KALRN: variants seen among roughly 807,000 people sequenced by gnomAD.
KALRN encodes the protein kalirin.
KALRN carries 70 observed loss-of-function variants against 353.7 expected under a neutral mutation model. The observed-to-expected ratio is 0.20, with a 90% CI of 0.16 to 0.24. The LOEUF is 0.24. Among genes scored for constraint, KALRN ranks in the 10% least tolerant of loss-of-function variants. The pLI is 1.00. For synonymous variants in KALRN, 1,391 were observed against 1,434.8 expected (o/e 0.97, Z 0.69); for missense variants, 2,791 against 3,756.7 (o/e 0.74, Z 6.72).
At chr3:124,281,307 T>A (rs568775309) in intron 5 of KALRN, among the ~76,000 whole-genome samples, 2 of 152,328 alleles carry the variant, frequency 1.3e-5, no homozygotes, top group South Asian at 4.1e-4. Context: ...GGTGGAGAGA[T>A]AAAAGAGGGT....
chr3:124,637,393 C>T (rs1044969016), intron 37 of KALRN, 90 bp downstream of exon 37: 1 of 937,234 alleles, frequency 1.1e-6, no homozygotes, highest in African/African-American at 1.6e-5. Flanking sequence ...TCCTTTGCAC[C>T]TGTCCTCATT....
intron 1 of KALRN, among the ~76,000 whole-genome samples, chr3:124,048,460 C>T (rs1015045109): frequency 1.3e-5 from 2 of 151,068 alleles, no homozygotes; most frequent in Non-Finnish European, 2.9e-5. Flanking sequence ...GGACATTTTT[C>T]TATGTCAGTA....
At chr3:124,342,521 T>C (rs1263255589) in intron 9 of KALRN, among the ~76,000 whole-genome samples, 1 of 152,220 alleles carries the variant, frequency 6.6e-6, no homozygotes, top group East Asian at 1.9e-4. Context: ...TAGTATTCCA[T>C]TGTTGATATA....
intron 1 of KALRN, among the ~76,000 whole-genome samples, chr3:124,201,729 A>G (rs1350685394): frequency 6.6e-6 from 1 of 152,210 alleles, no homozygotes; most frequent in East Asian, 1.9e-4. Context: ...GAGGACACTG[A>G]GCATAAACAA....
intron 1 of KALRN, among the ~76,000 whole-genome samples, chr3:124,118,630 T>C (rs1282928556): frequency 6.6e-6 from 1 of 152,226 alleles, no homozygotes; most frequent in Non-Finnish European, 1.5e-5. Flanking sequence ...CATGTTCCCT[T>C]AGGCCACATG....
chr3:124,233,743 T>C (rs1423187294), intron 2 of KALRN, among the ~76,000 whole-genome samples: 2 of 152,202 alleles, frequency 1.3e-5, no homozygotes, highest in Admixed American at 1.3e-4. Context: ...TGTTTTCCAG[T>C]ATTGGTGAGG....
At chr3:124,119,251 AG>A (rs1422538509) in intron 1 of KALRN, among the ~76,000 whole-genome samples, 1 of 152,212 alleles carries the variant, frequency 6.6e-6, no homozygotes, top group East Asian at 1.9e-4. Flanking sequence ...CCTCATTAAG[AG>A]GGAGCTGGAA....
chr3:124,254,890 GGCT>G (rs1452746601), intron 3 of KALRN, among the ~76,000 whole-genome samples: 1 of 152,120 alleles, frequency 6.6e-6, no homozygotes, highest in Non-Finnish European at 1.5e-5. Flanking sequence ...CCAGCATCCA[GGCT>G]GTTTGACTCC....
At chr3:124,511,206 G>A (rs1292552333) in intron 33 of KALRN, among the ~76,000 whole-genome samples, 1 of 151,922 alleles carries the variant, frequency 6.6e-6, no homozygotes, top group Non-Finnish European at 1.5e-5. Context: ...TTGCCATGTT[G>A]CTTAGCATAA....
intron 1 of KALRN, among the ~76,000 whole-genome samples, chr3:124,043,075 G>A (rs1388390145): frequency 1.3e-5 from 2 of 152,132 alleles, no homozygotes; most frequent in Non-Finnish European, 2.9e-5. Flanking sequence ...AGGGTTTAAT[G>A]CTGCAGAGAA....
chr3:124,054,636 A>G (rs2041359881), intron 1 of KALRN, among the ~76,000 whole-genome samples: 1 of 152,162 alleles, frequency 6.6e-6, no homozygotes, highest in African/African-American at 2.4e-5. Flanking sequence ...CAGACACCAG[A>G]CCAGGGACCT....
chr3:124,301,667 G>A (rs2149236638), intron 6 of KALRN, among the ~76,000 whole-genome samples: 1 of 152,322 alleles, frequency 6.6e-6, no homozygotes, highest in East Asian at 1.9e-4. Context: ...GGGAATTACA[G>A]ATTCCTTTTC....
At position 124,694,424 on chromosome 3, in the gene KALRN, C is replaced by T. The variant is rs760158908; in HGVS notation, c.7498C>T (p.Pro2500Ser). ...LQCKVCGRPK[P>S]TITWKGPDQN... Reference sequence around the variant, plus strand: ...GTGCAAAGTCTGTGGGCGGCCAAAGCCCACCATCACTTGGAAGGGTCCAGA... The same window carrying T: ...GTGCAAAGTCTGTGGGCGGCCAAAGTCCACCATCACTTGGAAGGGTCCAGA... Residue 2500 changes from proline (P) to serine (S), a missense_variant, in exon 53 of 60, where the codon CCC becomes TCC. By Grantham distance (74) the Pro-to-Ser change is moderately conservative. This residue lies in a region of KALRN where 1,065 missense variants were observed against 1,156.4 expected (regional missense o/e 0.92). Transcript: ENST00000682506. The T allele has an allele frequency of 1.9e-6, 3 of 1,614,180 alleles. No homozygotes were observed. The South Asian group carries it at 3.3e-5, about 18-fold the overall frequency.
chr3:124,208,223 C>G (rs962163038), intron 1 of KALRN, among the ~76,000 whole-genome samples: 1 of 152,128 alleles, frequency 6.6e-6, no homozygotes, highest in African/African-American at 2.4e-5. Context: ...GCACAAAGGT[C>G]CCTAAAATGG....
chr3:124,138,740 T>A (rs1441265541), intron 1 of KALRN, among the ~76,000 whole-genome samples: 1 of 152,160 alleles, frequency 6.6e-6, no homozygotes, highest in African/African-American at 2.4e-5. Flanking sequence ...TGGCAGAGTA[T>A]TCCCCTGGAC....
intron 1 of KALRN, among the ~76,000 whole-genome samples, chr3:124,192,469 A>G (rs77859942): frequency 0.18 from 26,705 of 152,124 alleles, 2,790 homozygotes; most frequent in East Asian, 0.51. Flanking sequence ...TTGATAGTAC[A>G]ATGGGGTGAC....
Position 124,384,868 on chromosome 3 carries a change from G to T in KALRN, c.1794G>T (p.Lys598Asn). ...AGAATACGTACACCAATGCGGACAA[G>T]CTCCTAGAAGCAGCAGAGCAGTTGG... ...VAQNTYTNAD[K>N]LLEAAEQLAQ... Residue 598 changes from lysine (K) to asparagine (N), a missense_variant, in exon 11 of 60, where the codon AAG (lysine) becomes AAT (asparagine). By Grantham distance (94) the Lys-to-Asn change is moderately conservative. Coordinates refer to ENST00000682506, the MANE Select transcript of KALRN (RefSeq NM_001388419.1). The T allele has an allele frequency of 1.9e-6, 3 of 1,607,554 alleles. No individual in the cohort carries two copies. The highest frequency in any genetic ancestry group is 2.6e-6 in the Non-Finnish European group (3 of 1,176,086).
chr3:124,649,329 G>T (rs2083118162), intron 37 of KALRN, among the ~76,000 whole-genome samples: 1 of 152,184 alleles, frequency 6.6e-6, no homozygotes, highest in Non-Finnish European at 1.5e-5. Context: ...GCAGCTCACT[G>T]AAGGCCAAGC....
At chr3:124,225,389 G>T (rs2078362796) in intron 1 of KALRN, among the ~76,000 whole-genome samples, 2 of 152,194 alleles carry the variant, frequency 1.3e-5, no homozygotes, top group African/African-American at 4.8e-5. Flanking sequence ...GGAAATGATT[G>T]TCCCCTAGTT....
Sources: gnomAD v4.1 joint callset for allele counts (sites outside exome capture counted in the v4.1 genomes callset) on GRCh38, gnomAD v4.1.1 for gene constraint, gnomAD v4.1.1 regional missense constraint, MANE v1.5 for transcripts, NCBI Gene and HGNC (gene_info 2026-07-23, HGNC 2026-07-21) for gene names.